The following PSMC6 variants were observed in gnomAD, a reference collection of about 807,000 sequenced individuals.
PSMC6 encodes 26S proteasome regulatory subunit 10B.
A neutral mutation model predicts 55.9 loss-of-function variants in PSMC6; 3 were observed. That is an observed-to-expected ratio of 0.05 (90% CI 0.02 to 0.14). The LOEUF (loss-of-function observed/expected upper bound fraction) is 0.14, where lower values mean the gene tolerates loss of function less well. PSMC6 is among the 10% of genes least tolerant of loss of function. The pLI, the probability that PSMC6 is intolerant of heterozygous loss-of-function variation, is 1.00. For missense variants in PSMC6, 210 were observed against 478.7 expected (o/e 0.44, Z 5.24); for synonymous variants, 137 against 155.9 (o/e 0.88, Z 0.90).
intron 9 of PSMC6, chr14:52,718,663 G>A: frequency 5.0e-6 from 2 of 401,814 alleles, no homozygotes; most frequent in Non-Finnish European, 4.5e-6. Context: ...GCACATGCCT[G>A]TAATCCCAGC....
At chr14:52,713,269 T>C (rs1038929089) in intron 6 of PSMC6, among the ~76,000 whole-genome samples, 2 of 152,194 alleles carry the variant, frequency 1.3e-5, no homozygotes, top group African/African-American at 2.4e-5. Context: ...CTATAAGTAA[T>C]TTAAATTGGA....
intron 13 of PSMC6, among the ~76,000 whole-genome samples, chr14:52,725,365 T>C (rs1880370820): frequency 6.6e-6 from 1 of 152,238 alleles, no homozygotes; most frequent in African/African-American, 2.4e-5. Flanking sequence ...CTTTTTTAAC[T>C]AGGTGGGACA....
intron 10 of PSMC6, among the ~76,000 whole-genome samples, chr14:52,719,853 T>C (rs1420177868): frequency 6.6e-6 from 1 of 152,250 alleles, no homozygotes; most frequent in African/African-American, 2.4e-5. Context: ...GTAAGGTTTT[T>C]CATTTATTCA....
At chr14:52,711,590 C>A in intron 6 of PSMC6, 66 bp downstream of exon 6, 1 of 1,039,554 alleles carries the variant, frequency 9.6e-7, no homozygotes. Context: ...GGATTCTTAA[C>A]AGGAGAAACA....
chr14:52,724,153 T>A, intron 13 of PSMC6, 117 bp downstream of exon 13: 1 of 894,096 alleles, frequency 1.1e-6, no homozygotes, highest in Non-Finnish European at 1.7e-6. Context: ...TTCATGCTGT[T>A]CTTTTAGGAA....
chr14:52,710,999 G>A, intron 4 of PSMC6, 102 bp from the exon 5 acceptor site: 4 of 833,142 alleles, frequency 4.8e-6, no homozygotes, highest in Non-Finnish European at 7.8e-6. Flanking sequence ...TGTTCTCTCT[G>A]GAGGGTAAAA....
intron 7 of PSMC6, among the ~76,000 whole-genome samples, chr14:52,715,647 T>C (rs1352082469): frequency 6.6e-6 from 1 of 150,712 alleles, no homozygotes; most frequent in Non-Finnish European, 1.5e-5. Context: ...AAGGTGTTAC[T>C]CTGTTACCCA....
At chr14:52,708,740 G>A in intron 3 of PSMC6, 24 bp from the exon 4 acceptor site, 1 of 1,610,660 alleles carries the variant, frequency 6.2e-7, no homozygotes, top group Non-Finnish European at 8.5e-7. Context: ...TTTTCAATTA[G>A]TTCTTTTATG....
At chr14:52,707,740 TC>T (rs1298906187) in intron 1 of PSMC6, among the ~76,000 whole-genome samples, 1 of 152,166 alleles carries the variant, frequency 6.6e-6, no homozygotes, top group African/African-American at 2.4e-5. Flanking sequence ...AGAGAAGTGT[TC>T]CAGTTGTCAT....
intron 3 of PSMC6, 90 bp from the exon 4 acceptor site, chr14:52,708,674 A>G: frequency 6.3e-7 from 1 of 1,578,330 alleles, no homozygotes; most frequent in African/African-American, 1.4e-5. Flanking sequence ...TCCTTGGAGG[A>G]CAGAAATACA....
intron 7 of PSMC6, among the ~76,000 whole-genome samples, chr14:52,717,209 A>G (rs376721122): frequency 6.6e-6 from 1 of 152,212 alleles, no homozygotes; most frequent in African/African-American, 2.4e-5. Context: ...TCATTCTTCA[A>G]TATATACATG....
intron 10 of PSMC6, 102 bp from the exon 11 acceptor site, chr14:52,720,758 TA>T: frequency 1.1e-6 from 1 of 886,438 alleles, no homozygotes; most frequent in Non-Finnish European, 1.7e-6. Context: ...AGAACATATC[TA>T]TCTGTAGACA....
At chr14:52,724,595 TGA>T (rs1388429871) in intron 13 of PSMC6, among the ~76,000 whole-genome samples, 14 of 152,218 alleles carry the variant, frequency 9.2e-5, no homozygotes, top group Non-Finnish European at 2.1e-4. Flanking sequence ...TTTGAAAGAT[TGA>T]TTTATGAATT....
chr14:52,714,037 AT>A, intron 7 of PSMC6, 69 bp downstream of exon 7: 3 of 1,071,916 alleles, frequency 2.8e-6, no homozygotes, highest in Non-Finnish European at 4.1e-6. Context: ...AAAAAAGACA[AT>A]TTTTTTATTT....
At position 52,723,947 on chromosome 14, in the gene PSMC6, A is replaced by G. The variant is rs756875684; in HGVS notation, c.980-18A>G. 1 of 1,609,642 alleles carries G rather than the reference A, an allele frequency of 6.2e-7. No individual in the cohort carries two copies. The highest frequency in any genetic ancestry group is 8.5e-7 in the Non-Finnish European group (1 of 1,178,208). On this transcript the variant is annotated intron_variant, in intron 12 of 13. Coordinates refer to ENST00000445930, the MANE Select transcript of PSMC6 (RefSeq NM_002806.5). Reference sequence around the variant, plus strand: ...GGTCTAATTTTTAAAACTAATTTCCAGTATTTTTTCTAAACAGATTATGAA... The same window carrying G: ...GGTCTAATTTTTAAAACTAATTTCCGGTATTTTTTCTAAACAGATTATGAA...
intron 1 of PSMC6, 187 bp downstream of exon 1, chr14:52,707,491 C>A: frequency 1.4e-6 from 1 of 690,006 alleles, no homozygotes; most frequent in East Asian, 2.9e-5. Flanking sequence ...TAGAAATGGC[C>A]CAGTCCAGCC....
rs3732 is a variant in PSMC6 at position 52,727,759 on chromosome 14, A to G, written c.*142A>G. On this transcript the variant is annotated 3_prime_UTR_variant, in exon 14 of 14. Transcript: ENST00000445930. ...ATGAGTAACATCATAAAAATTAGTA[A>G]TTCAACTTTTAAGATACAGAAGAAA... 1 of 532,134 alleles carries G rather than the reference A, an allele frequency of 1.9e-6. No homozygotes were observed. The highest frequency in any genetic ancestry group is 3.3e-6 in the Non-Finnish European group (1 of 303,336). 33.0% of individuals were successfully genotyped at this position (532,134 alleles called of 1,614,324 possible). A position where few individuals can be genotyped will look rare whatever the true frequency, so the allele number is the denominator to read the frequency against.
intron 6 of PSMC6, 67 bp from the exon 7 acceptor site, chr14:52,713,814 T>TA: frequency 9.8e-7 from 1 of 1,017,308 alleles, no homozygotes; most frequent in Non-Finnish European, 1.5e-6. Context: ...ATATTTGACT[T>TA]AGAGTATTTG....
At chr14:52,725,817 G>A (rs975126506) in intron 13 of PSMC6, among the ~76,000 whole-genome samples, 1 of 152,168 alleles carries the variant, frequency 6.6e-6, no homozygotes, top group Non-Finnish European at 1.5e-5. Flanking sequence ...GCCTGGCCAG[G>A]CATCTCTTGT....
Sources: gnomAD v4.1 joint callset for allele counts (sites outside exome capture counted in the v4.1 genomes callset) on GRCh38, gnomAD v4.1.1 for gene constraint, MANE v1.5 for transcripts, NCBI Gene and HGNC (gene_info 2026-07-23, HGNC 2026-07-21) for gene names.